PROM1: variants seen among roughly 807,000 people sequenced by gnomAD.
The protein encoded by PROM1 is prominin 1.
PROM1 carries 105 observed loss-of-function variants against 116.9 expected under a neutral mutation model. That is an observed-to-expected ratio of 0.90 (90% CI 0.77 to 1.06). The LOEUF (loss-of-function observed/expected upper bound fraction) is 1.06. PROM1 is among the 50% of genes least tolerant of loss of function. The pLI is 0.00. For missense variants in PROM1, 1,122 were observed against 1,045.2 expected (o/e 1.07, Z -1.01); for synonymous variants, 393 against 387.0 (o/e 1.02, Z -0.18).
Position 16,025,310 on chromosome 4 carries a change from A to G in PROM1, c.512T>C (p.Ile171Thr), listed in dbSNP as rs1352413748. The change falls in exon 6 of 28, where the codon ATT becomes ACT. Residue 171 changes from isoleucine (I) to threonine (T), a missense_variant and splice_region_variant. Coordinates refer to ENST00000447510, the MANE Select transcript of PROM1 (RefSeq NM_006017.3). Reference protein sequence around the residue: ...SLLVICIIISIGIFYGFVANH... With the variant: ...SLLVICIIISTGIFYGFVANH... ...TGCCACAAAACCATAGAAGATGCCAATGCTGCAGGAAAAGGCAGAGAGAAG... is the reference window on the plus strand; with the variant it reads ...TGCCACAAAACCATAGAAGATGCCAGTGCTGCAGGAAAAGGCAGAGAGAAG... The G allele has an allele frequency of 1.2e-6, 2 of 1,613,666 alleles. No homozygotes were observed. The highest frequency in any genetic ancestry group is 1.3e-5 in the African/African-American group (1 of 74,936).
intron 2 of PROM1, among the ~76,000 whole-genome samples, chr4:16,057,765 T>A (rs1390854676): frequency 2.0e-5 from 3 of 152,168 alleles, no homozygotes; most frequent in African/African-American, 7.2e-5. Context: ...CAGAGATACA[T>A]ATAGAATTAC....
chr4:16,063,260 G>A (rs577679226), intron 2 of PROM1, among the ~76,000 whole-genome samples: 2 of 152,136 alleles, frequency 1.3e-5, no homozygotes, highest in African/African-American at 4.8e-5. Context: ...CAAATAAATT[G>A]CAAGAGGGAA....
intron 2 of PROM1, among the ~76,000 whole-genome samples, chr4:16,052,320 C>T (rs1387138318): frequency 6.6e-6 from 1 of 152,186 alleles, no homozygotes; most frequent in East Asian, 1.9e-4. Context: ...TCTGGCCACT[C>T]ACAAAATCAC....
intron 10 of PROM1, among the ~76,000 whole-genome samples, chr4:16,015,908 G>C (rs2531156): frequency 0.13 from 19,632 of 151,994 alleles, 1,424 homozygotes; most frequent in African/African-American, 0.17. Flanking sequence ...TAAATTCTGA[G>C]GCCTAGGAAA....
chr4:16,066,564 G>C (rs1391366318), intron 2 of PROM1, among the ~76,000 whole-genome samples: 1 of 152,136 alleles, frequency 6.6e-6, no homozygotes, highest in African/African-American at 2.4e-5. Flanking sequence ...TCTGAATCTT[G>C]ATCCCAGGCA....
chr4:16,056,200 C>T (rs924186897), intron 2 of PROM1, among the ~76,000 whole-genome samples: 1 of 152,114 alleles, frequency 6.6e-6, no homozygotes. Context: ...TAGGAGCAGT[C>T]GGCCGCTTGG....
chr4:15,993,963 G>A (rs757078303), intron 16 of PROM1, 24 bp downstream of exon 16: 13 of 1,607,684 alleles, frequency 8.1e-6, no homozygotes, highest in South Asian at 4.4e-5. Flanking sequence ...GTGTTATGTC[G>A]ATTCCATGAC....
chr4:16,081,690 A>C (rs1457707135), intron 1 of PROM1, among the ~76,000 whole-genome samples: 1 of 152,226 alleles, frequency 6.6e-6, no homozygotes, highest in African/African-American at 2.4e-5. Context: ...TCTCAGAAAT[A>C]GCTCTTTGCT....
chr4:16,000,637 G>T lies in PROM1; in HGVS notation c.1455-18C>A. The stretch of plus-strand genomic sequence containing the variant: ...CAACTCCACTGGAAAAAAATATAAA[G>T]TTAGTAATTCAACAAAGAATGATTC... On this transcript the variant is annotated intron_variant, in intron 13 of 27. Transcript: ENST00000447510. 1 of 1,525,540 alleles carries T rather than the reference G, an allele frequency of 6.6e-7. No individual in the cohort carries two copies. The highest frequency in any genetic ancestry group is 9.0e-7 in the Non-Finnish European group (1 of 1,113,288). The allele number at this position is 1,525,540 out of a possible 1,614,324, so 94.5% of individuals were successfully genotyped here.
chr4:16,008,172 C>T (rs11942202), intron 12 of PROM1, among the ~76,000 whole-genome samples: 2,581 of 152,272 alleles, frequency 0.017, 76 homozygotes, highest in African/African-American at 0.059. Context: ...GAGAATGAGT[C>T]TCCGGACTCC....
intron 8 of PROM1, among the ~76,000 whole-genome samples, chr4:16,022,465 G>A (rs1428579131): frequency 6.6e-6 from 1 of 152,186 alleles, no homozygotes; most frequent in Non-Finnish European, 1.5e-5. Flanking sequence ...AACAACTCCT[G>A]GCCTGTTCTG....
At chr4:16,077,305 T>G (rs554182312) in intron 1 of PROM1, among the ~76,000 whole-genome samples, 1 of 152,334 alleles carries the variant, frequency 6.6e-6, no homozygotes, top group East Asian at 1.9e-4. Flanking sequence ...GAGATGTTTA[T>G]GGGTATGCAT....
intron 11 of PROM1, among the ~76,000 whole-genome samples, chr4:16,011,830 C>T (rs975093347): frequency 1.3e-5 from 2 of 152,146 alleles, no homozygotes; most frequent in African/African-American, 2.4e-5. Context: ...TCTACTCAAA[C>T]TCTTCATGGG....
chr4:16,001,954 G>A (rs1401132194), intron 13 of PROM1, among the ~76,000 whole-genome samples: 3 of 152,208 alleles, frequency 2.0e-5, no homozygotes, highest in Non-Finnish European at 4.4e-5. Context: ...ATCAGGGAAA[G>A]GAATGGGATT....
chr4:16,064,414 G>T (rs1011061057), intron 2 of PROM1, among the ~76,000 whole-genome samples: 3 of 152,132 alleles, frequency 2.0e-5, no homozygotes, highest in Non-Finnish European at 2.9e-5. Context: ...TCTATACTAC[G>T]GAAAGTCAGG....
chr4:16,066,708 T>C (rs1232141041), intron 2 of PROM1, among the ~76,000 whole-genome samples: 1 of 152,202 alleles, frequency 6.6e-6, no homozygotes, highest in East Asian at 1.9e-4. Flanking sequence ...TCAAGCCCAG[T>C]GGACAAATGC....
At chr4:16,071,689 C>G (rs1269996148) in intron 2 of PROM1, among the ~76,000 whole-genome samples, 4 of 152,168 alleles carry the variant, frequency 2.6e-5, no homozygotes, top group African/African-American at 7.2e-5. Flanking sequence ...AGAAAGTGAG[C>G]CTTCCCTAGA....
At chr4:16,076,212 A>T in intron 1 of PROM1, 94 bp from the exon 2 acceptor site, 1 of 320,670 alleles carries the variant, frequency 3.1e-6, no homozygotes. Context: ...GCTTTAGAGC[A>T]AGGCCTCCAG....
chr4:16,040,130 T>A (rs1734879608), intron 2 of PROM1, among the ~76,000 whole-genome samples: 1 of 152,168 alleles, frequency 6.6e-6, no homozygotes, highest in Non-Finnish European at 1.5e-5. Flanking sequence ...AAACACTACA[T>A]CAACTCCTTT....
Sources: allele counts gnomAD v4.1 joint callset (sites outside exome capture counted in the v4.1 genomes callset), GRCh38; gene constraint gnomAD v4.1.1; transcripts MANE v1.5; gene names NCBI Gene and HGNC (gene_info 2026-07-23, HGNC 2026-07-21).